Variants in ULK4 observed in about 807,000 individuals in gnomAD.
ULK4 encodes unc-51 like kinase 4.
A neutral mutation model predicts 160.6 loss-of-function variants in ULK4; 133 were observed. The ratio of observed to expected loss-of-function variants is 0.83; its 90% CI spans 0.72 to 0.96. The LOEUF (loss-of-function observed/expected upper bound fraction) is 0.96, where lower values mean the gene tolerates loss of function less well. ULK4 is among the 40% of genes least tolerant of loss of function. The probability of loss-of-function intolerance (pLI) is 0.00; values close to 1 mark genes in which losing one functional copy is unlikely to be tolerated. For missense variants in ULK4, 1,580 were observed against 1,499.5 expected (o/e 1.05, Z -0.89); for synonymous variants, 534 against 539.8 (o/e 0.99, Z 0.15).
At chr3:41,424,421 A>G (rs971415560) in intron 34 of ULK4, among the ~76,000 whole-genome samples, 24 of 151,996 alleles carry the variant, frequency 1.6e-4, no homozygotes, top group African/African-American at 4.8e-4. Context: ...AGAAGGACCA[A>G]AAGTGCTTCC....
At chr3:41,693,927 G>T (rs2036398244) in intron 27 of ULK4, among the ~76,000 whole-genome samples, 1 of 152,188 alleles carries the variant, frequency 6.6e-6, no homozygotes, top group Non-Finnish European at 1.5e-5. Flanking sequence ...GTGGGGAAGG[G>T]AGCTAATCCA....
chr3:41,828,435 A>G (rs372987594), intron 18 of ULK4, among the ~76,000 whole-genome samples: 21,717 of 126,866 alleles, frequency 0.17, 2,614 homozygotes, highest in African/African-American at 0.35. Context: ...TAAGCTGATA[A>G]GCAACTTCAG....
intron 16 of ULK4, among the ~76,000 whole-genome samples, chr3:41,893,980 T>C (rs1698063966): frequency 6.6e-6 from 1 of 152,196 alleles, no homozygotes; most frequent in Non-Finnish European, 1.5e-5. Flanking sequence ...AGAGGATTCC[T>C]ACCAGAGAAC....
chr3:41,435,792 T>C (rs2083021064), intron 34 of ULK4, among the ~76,000 whole-genome samples: 1 of 151,886 alleles, frequency 6.6e-6, no homozygotes, highest in South Asian at 2.1e-4. Flanking sequence ...ACCAAAAATA[T>C]AAAAATTAGC....
At chr3:41,518,478 T>A (rs951458215) in intron 32 of ULK4, among the ~76,000 whole-genome samples, 3 of 152,220 alleles carry the variant, frequency 2.0e-5, no homozygotes, top group African/African-American at 7.2e-5. Context: ...ATAGAACACT[T>A]CACCCATGAA....
At chr3:41,440,643 T>C (rs2083143576) in intron 34 of ULK4, among the ~76,000 whole-genome samples, 1 of 152,142 alleles carries the variant, frequency 6.6e-6, no homozygotes, top group Non-Finnish European at 1.5e-5. Context: ...TGGTTTCTGG[T>C]ATCAGGGTAA....
intron 17 of ULK4, among the ~76,000 whole-genome samples, chr3:41,873,329 T>C (rs1697181832): frequency 6.6e-6 from 1 of 151,598 alleles, no homozygotes. Flanking sequence ...AGGCCTCATC[T>C]TCTATTCTTA....
intron 32 of ULK4, among the ~76,000 whole-genome samples, chr3:41,555,845 A>G (rs575881603): frequency 1.3e-5 from 2 of 152,338 alleles, no homozygotes; most frequent in African/African-American, 4.8e-5. Context: ...AAAACAAAAC[A>G]AAACCAAAAC....
chr3:41,907,304 T>TA (rs953863030), intron 12 of ULK4, among the ~76,000 whole-genome samples: 93 of 151,056 alleles, frequency 6.2e-4, no homozygotes, highest in Admixed American at 1.3e-3. Flanking sequence ...TTTATTTATT[T>TA]TTTTTTTTAA....
Position 41,302,978 on chromosome 3 carries a change from AAAAC to A in ULK4, c.3679-53408_3679-53405del, listed in dbSNP as rs1193031009. On this transcript the variant is annotated intron_variant, in intron 35 of 36. Coordinates refer to ENST00000301831, the MANE Select transcript of ULK4 (RefSeq NM_017886.4). ...ATCATTCTAAAATATAGAATATACT[AAAAC>A]AGACTATAGACAAAGACTAGAAGAC... is the stretch of plus-strand genomic sequence containing the variant. 2.6e-5 allele frequency among the ~76,000 whole-genome samples: 4 copies of A among 152,336 alleles called. No individual in the cohort carries two copies. The East Asian group carries it at 5.8e-4, about 22-fold the overall frequency.
At chr3:41,412,179 T>C (rs1200451809) in intron 34 of ULK4, among the ~76,000 whole-genome samples, 7 of 152,088 alleles carry the variant, frequency 4.6e-5, no homozygotes, top group Non-Finnish European at 1.5e-5. Flanking sequence ...ATTAAAACAA[T>C]ACCAATATAA....
chr3:41,955,470 T>G (rs1284774164), intron 1 of ULK4: 2 of 152,236 alleles, frequency 1.3e-5, no homozygotes, highest in Non-Finnish European at 2.9e-5. Context: ...CCTGTGGCCG[T>G]GGGCCTCGAT....
intron 30 of ULK4, among the ~76,000 whole-genome samples, chr3:41,620,522 T>C (rs2033193283): frequency 6.6e-6 from 1 of 152,198 alleles, no homozygotes; most frequent in African/African-American, 2.4e-5. Context: ...AACCACATGA[T>C]TATCTCAATA....
At position 41,898,489 on chromosome 3, in the gene ULK4, T is replaced by C; in HGVS notation, c.1291A>G (p.Met431Val). The change falls in exon 14 of 37, where the codon ATG (methionine) becomes GTG (valine). Residue 431 changes from methionine (M) to valine (V), a missense_variant. By Grantham distance (21) the Met-to-Val change is conservative (BLOSUM62 1). Coordinates refer to ENST00000301831, the MANE Select transcript of ULK4 (RefSeq NM_017886.4). ...TCAAATTTAACTGGTGGCTGTTTCA[T>C]TATCTGTGGTTTAAAAAAAAAGAAA... Reference protein sequence around the residue: ...VTPIIDNPKIMKQPPVKFDAK... With the variant: ...VTPIIDNPKIVKQPPVKFDAK... The C allele has an allele frequency of 6.3e-7, 1 of 1,586,756 alleles. No homozygotes were observed. The highest frequency in any genetic ancestry group is 8.6e-7 in the Non-Finnish European group (1 of 1,166,034).
intron 19 of ULK4, among the ~76,000 whole-genome samples, chr3:41,819,111 T>C (rs2041058928): frequency 6.6e-6 from 1 of 152,210 alleles, no homozygotes; most frequent in Non-Finnish European, 1.5e-5. Flanking sequence ...TAAACTAGTG[T>C]ATCAATAATT....
intron 35 of ULK4, among the ~76,000 whole-genome samples, chr3:41,271,000 ATTTTTCTATGTCC>A (rs1386370486): frequency 2.6e-5 from 4 of 152,142 alleles, no homozygotes; most frequent in Admixed American, 6.5e-5. Flanking sequence ...TGTTTTCTAT[ATTTTTCTATGTCC>A]TTTTTCTATG....
At chr3:41,290,067 G>A (rs868599847) in intron 35 of ULK4, among the ~76,000 whole-genome samples, 2 of 152,202 alleles carry the variant, frequency 1.3e-5, no homozygotes, top group Middle Eastern at 3.4e-3. Context: ...GAGAGACGGA[G>A]TTCCTCCATG....
At chr3:41,415,891 C>T (rs2082515725) in intron 34 of ULK4, among the ~76,000 whole-genome samples, 1 of 152,136 alleles carries the variant, frequency 6.6e-6, no homozygotes, top group South Asian at 2.1e-4. Flanking sequence ...GAAAAGACCC[C>T]AATGGCAAGT....
At chr3:41,366,548 T>TATACACAC (rs1553648975) in intron 35 of ULK4, among the ~76,000 whole-genome samples, 4,912 of 148,736 alleles carry the variant, frequency 0.033, 223 homozygotes, top group East Asian at 0.18. Flanking sequence ...AAAATATGGC[T>TATACACAC]ACACACACAC....
Sources: allele counts gnomAD v4.1 joint callset (sites outside exome capture counted in the v4.1 genomes callset), GRCh38; gene constraint gnomAD v4.1.1; transcripts MANE v1.5; gene names NCBI Gene and HGNC (gene_info 2026-07-23, HGNC 2026-07-21).